Variants in KLF12 observed in about 807,000 individuals in gnomAD.
The protein encoded by KLF12 is Krueppel-like factor 12.
KLF12 carries 9 observed loss-of-function variants against 37.8 expected under a neutral mutation model. The ratio of observed to expected loss-of-function variants is 0.24; its 90% confidence interval spans 0.14 to 0.42. The LOEUF (loss-of-function observed/expected upper bound fraction) is 0.42. Ranked by LOEUF, KLF12 falls within the 10% of genes least tolerant of loss-of-function variation. The pLI, the probability that KLF12 is intolerant of heterozygous loss-of-function variation, is 1.00. For missense variants in KLF12, 411 were observed against 516.0 expected, an observed-to-expected ratio of 0.80 and a Z score of 1.97; for synonymous variants, 208 against 202.1, an observed-to-expected ratio of 1.03 and a Z score of -0.25.
chr13:73,730,096 G>A (rs1876953481), intron 6 of KLF12, among the ~76,000 whole-genome samples: 1 of 152,056 alleles, frequency 6.6e-6, no homozygotes, highest in Non-Finnish European at 1.5e-5. Flanking sequence ...CCATCTGAGG[G>A]TCTAGTAAGC....
rs147531477 is a variant in KLF12 at position 73,833,370 on chromosome 13, C to T, written c.670+12457G>A. On this transcript the variant is annotated intron_variant, in intron 4 of 7. Coordinates refer to ENST00000377669, the MANE Select transcript of KLF12 (RefSeq NM_007249.5). ...AATCACATCAAGTATCTATAAGGTA[C>T]CACCAAACATTATTCTCTAATATTA... Among the ~76,000 whole-genome samples, 668 of 152,230 alleles carry T rather than the reference C, an allele frequency of 4.4e-3. 5 individuals carry two copies. The highest frequency in any genetic ancestry group is 0.031 in the Middle Eastern group (9 of 294).
chr13:74,008,899 CT>C (rs1226930937), intron 1 of KLF12, among the ~76,000 whole-genome samples: 1 of 152,212 alleles, frequency 6.6e-6, no homozygotes, highest in Non-Finnish European at 1.5e-5. Context: ...AAATCGATAA[CT>C]TATGTCCATT....
chr13:74,101,324 G>A lies in KLF12; in HGVS notation c.-32+32415C>T, dbSNP rs143071497. ...TTCCTACTTTGTGTAATTCCCATGC[G>A]CTTGCACATGAATAACTTGTATGCC... On this transcript the variant is annotated intron_variant, in intron 1 of 7. Coordinates refer to ENST00000377669, the MANE Select transcript of KLF12 (RefSeq NM_007249.5). Among the ~76,000 whole-genome samples, 179 of 152,112 alleles carry A rather than the reference G, an allele frequency of 1.2e-3. 1 individual carries two copies. Among genetic ancestry groups the A allele is most frequent in the African/African-American group, 3.4e-3 (139 of 41,490 alleles).
At chr13:74,176,640 T>G in the KLF12 span, among the ~76,000 whole-genome samples, 1 of 152,192 alleles carries the variant, frequency 6.6e-6, no homozygotes, top group Non-Finnish European at 1.5e-5. Flanking sequence ...ATTTTTTGTC[T>G]GCATTGAGAC....
intron 5 of KLF12, among the ~76,000 whole-genome samples, chr13:73,773,174 C>T (rs776152119): frequency 2.0e-5 from 3 of 152,162 alleles, no homozygotes; most frequent in Non-Finnish European, 2.9e-5. Context: ...GCATATAAAT[C>T]ATAGGTGAGC....
At chr13:74,134,136 G>C (rs929983081), upstream of KLF12, among the ~76,000 whole-genome samples, 50 of 135,172 alleles carry the variant, frequency 3.7e-4, no homozygotes, top group African/African-American at 1.3e-3. Context: ...GCAGCCCGCA[G>C]CTCAGGAAAC....
chr13:74,216,892 T>C, the KLF12 span, among the ~76,000 whole-genome samples: 1 of 152,254 alleles, frequency 6.6e-6, no homozygotes, highest in Non-Finnish European at 1.5e-5. Context: ...AGTAGTTTTC[T>C]ATGGAAATTT....
At chr13:73,893,228 A>G (rs907121574) in intron 3 of KLF12, among the ~76,000 whole-genome samples, 2 of 151,784 alleles carry the variant, frequency 1.3e-5, no homozygotes, top group African/African-American at 4.8e-5. Context: ...AATAAACACA[A>G]TCCATGTGAT....
At chr13:73,781,875 A>T (rs1880988523) in intron 5 of KLF12, among the ~76,000 whole-genome samples, 1 of 152,230 alleles carries the variant, frequency 6.6e-6, no homozygotes, top group Non-Finnish European at 1.5e-5. Flanking sequence ...ATATTAATAG[A>T]ATCAATTGAT....
chr13:74,113,648 C>A (rs1877109917), intron 1 of KLF12, among the ~76,000 whole-genome samples: 1 of 152,178 alleles, frequency 6.6e-6, no homozygotes, highest in South Asian at 2.1e-4. Context: ...CCTAGTCACC[C>A]AAGAGCTCTG....
intron 6 of KLF12, among the ~76,000 whole-genome samples, chr13:73,730,090 C>T (rs1047822255): frequency 1.3e-5 from 2 of 152,132 alleles, no homozygotes; most frequent in Non-Finnish European, 2.9e-5. Flanking sequence ...ATAAACCCAT[C>T]TGAGGGTCTA....
At chr13:74,116,319 A>G (rs1014721019) in intron 1 of KLF12, among the ~76,000 whole-genome samples, 1 of 152,234 alleles carries the variant, frequency 6.6e-6, no homozygotes, top group Non-Finnish European at 1.5e-5. Flanking sequence ...CCTCACAAAG[A>G]AACACTCTTA....
chr13:74,149,553 C>T, the KLF12 span, among the ~76,000 whole-genome samples: 1 of 152,188 alleles, frequency 6.6e-6, no homozygotes, highest in African/African-American at 2.4e-5. Context: ...TACTACCCTT[C>T]ACCTTTCACC....
chr13:74,133,321 C>G (rs1421461816), intron 1 of KLF12, among the ~76,000 whole-genome samples: 2 of 151,870 alleles, frequency 1.3e-5, no homozygotes, highest in Admixed American at 6.6e-5. Context: ...ACGAGCCCCC[C>G]CTCCCCCCCA....
the KLF12 span, among the ~76,000 whole-genome samples, chr13:74,176,632 T>A: frequency 6.6e-6 from 1 of 152,296 alleles, no homozygotes; most frequent in East Asian, 1.9e-4. Context: ...CTGCACTGAT[T>A]TTTTGTCTGC....
chr13:74,285,283 G>A, the KLF12 span, among the ~76,000 whole-genome samples: 1 of 151,910 alleles, frequency 6.6e-6, no homozygotes, highest in African/African-American at 2.4e-5. Flanking sequence ...TAATAGTAAT[G>A]GTGGTCTTTT....
chr13:73,905,035 AATTTGC>A (rs1395195931), intron 3 of KLF12, among the ~76,000 whole-genome samples: 2 of 151,852 alleles, frequency 1.3e-5, no homozygotes, highest in African/African-American at 4.8e-5. Context: ...GATTCTATTT[AATTTGC>A]ATGTTTGTTT....
chr13:74,303,480 C>G, the KLF12 span, among the ~76,000 whole-genome samples: 2 of 152,118 alleles, frequency 1.3e-5, no homozygotes, highest in South Asian at 2.1e-4. Context: ...AGTGGGCCTT[C>G]CTCTCCATCA....
At chr13:74,250,131 T>C in the KLF12 span, among the ~76,000 whole-genome samples, 410 of 152,108 alleles carry the variant, frequency 2.7e-3, 4 homozygotes, top group African/African-American at 9.4e-3. Context: ...AGAAAACCAA[T>C]CAATAAATGG....
Sources: allele counts gnomAD v4.1 joint callset (sites outside exome capture counted in the v4.1 genomes callset), GRCh38; gene constraint gnomAD v4.1.1; transcripts MANE v1.5; gene names NCBI Gene and HGNC (gene_info 2026-07-23, HGNC 2026-07-21).